Variants in NOS3 observed in about 807,000 individuals in gnomAD.
NOS3 encodes nitric oxide synthase 3.
A neutral mutation model predicts 144.9 loss-of-function variants in NOS3; 98 were observed. The ratio of observed to expected loss-of-function variants is 0.68; its 90% CI spans 0.57 to 0.80. The LOEUF (loss-of-function observed/expected upper bound fraction) is 0.80. Ranked by LOEUF, NOS3 falls within the 30% of genes least tolerant of loss-of-function variation. The pLI is 0.00. For synonymous variants in NOS3, 714 were observed against 702.4 expected (o/e 1.02, Z -0.26); for missense variants, 1,465 against 1,656.4 (o/e 0.88, Z 2.01).
At chr7:151,013,679 GC>G (rs1357769202) in intron 25 of NOS3, 44 bp from the exon 26 acceptor site, 1 of 723,602 alleles carries the variant, frequency 1.4e-6, no homozygotes, top group Non-Finnish European at 2.2e-6. Context: ...CTGCGCCCCC[GC>G]GCCCACCCCC....
Position 151,010,665 on chromosome 7 carries a change from C to G in NOS3, c.2754C>G (p.Phe918Leu). Residue 918 changes from phenylalanine to leucine, a missense_variant, in exon 22 of 27, where the codon TTC becomes TTG. Physicochemically the swap from Phe to Leu is conservative, Grantham distance 22. Coordinates refer to ENST00000297494, the MANE Select transcript of NOS3 (RefSeq NM_000603.5). ...CPTLLEVLEQFPSVALPAPLL... is the reference protein window; with the variant it reads ...CPTLLEVLEQLPSVALPAPLL... ...CGCTGCTGGAGGTGCTGGAGCAGTT[C>G]CCGTCGGTGGCGCTGCCTGCCCCAC... 6.2e-7 allele frequency: 1 copy of G among 1,608,224 alleles called. No individual in the cohort carries two copies. The highest frequency in any genetic ancestry group is 8.5e-7 in the Non-Finnish European group (1 of 1,177,724).
intron 9 of NOS3, among the ~76,000 whole-genome samples, chr7:150,999,852 A>G (rs1391184831): frequency 1.6e-4 from 6 of 37,538 alleles, no homozygotes; most frequent in African/African-American, 4.2e-4. Flanking sequence ...AGTGTGTGTG[A>G]GTTTGTAGGG....
At chr7:151,010,011 G>C (rs1795269710) in intron 20 of NOS3, 104 bp from the exon 21 acceptor site, 1 of 759,332 alleles carries the variant, frequency 1.3e-6, no homozygotes, top group Non-Finnish European at 2.2e-6. Context: ...CGACCCCGCT[G>C]CTCAAGGGCA....
intron 12 of NOS3, 35 bp from the exon 13 acceptor site, chr7:151,001,786 C>A: frequency 6.2e-7 from 1 of 1,612,758 alleles, no homozygotes; most frequent in Non-Finnish European, 8.5e-7. Context: ...TGCCTCTGTG[C>A]ACCCAGGACA....
Position 151,010,621 on chromosome 7 carries a change from A to G in NOS3, c.2710A>G (p.Lys904Glu). Residue 904 changes from lysine to glutamate, a missense_variant, in exon 22 of 27, where the codon AAG becomes GAG. Around this residue, in one of 5 missense-constraint regions of NOS3, gnomAD observed 745 missense variants for 853.9 expected, o/e 0.87. Transcript: ENST00000297494. ...GGATCCCCGACGCTACGAGGAGTGG[A>G]AGTGGTTCCGCTGCCCCACGCTGCT... Reference protein sequence around the residue: ...SQDPRRYEEWKWFRCPTLLEV... With the variant: ...SQDPRRYEEWEWFRCPTLLEV... 6.2e-7 allele frequency: 1 copy of G among 1,600,878 alleles called. No individual in the cohort carries two copies. The highest frequency in any genetic ancestry group is 8.5e-7 in the Non-Finnish European group (1 of 1,173,868).
Position 150,999,083 on chromosome 7 carries a change from C to A in NOS3, c.954C>A (p.Pro318=). 1 of 1,612,640 alleles carries A rather than the reference C, an allele frequency of 6.2e-7. No homozygotes were observed. The highest frequency in any genetic ancestry group is 1.1e-5 in the South Asian group (1 of 91,080). ...TCCTTGAGGTGCCCCTGGAGCACCC[C>A]ACGTGAGCACCAAAGGGATTGACTG... ...ELVLEVPLEH[P]TLEWFAALGL... Residue 318 remains proline (P), a splice_region_variant and synonymous_variant, in exon 8 of 27, where the codon CCC becomes CCA. Transcript: ENST00000297494.
chr7:151,012,816 T>C lies in NOS3; in HGVS notation c.3106+344T>C, dbSNP rs3918208. 409 of 338,628 alleles carry C rather than the reference T, an allele frequency of 1.2e-3. 1 individual carries two copies. The highest frequency in any genetic ancestry group is 8.1e-3 in the African/African-American group (391 of 48,126). The allele number at this position is 338,628 out of a possible 1,614,324, so 21.0% of individuals were successfully genotyped here. On this transcript the variant is annotated intron_variant, in intron 24 of 26. Transcript: ENST00000297494. Reference sequence around the variant, plus strand: ...AGGTCTGTCCAAGACCTAAGGATGCTACAAGGTGTTCATATTGAGCATGGG... The same window carrying C: ...AGGTCTGTCCAAGACCTAAGGATGCCACAAGGTGTTCATATTGAGCATGGG...
At position 150,998,148 on chromosome 7, in the gene NOS3, C is replaced by G. The variant is rs1005269170; in HGVS notation, c.583-209C>G. ...TCCATAGGGATGGGGAGACACCTGG[C>G]CCAGGGAGGAGATGAGAAGCAGCCC... On this transcript the variant is annotated intron_variant, in intron 5 of 26. Coordinates refer to ENST00000297494, the MANE Select transcript of NOS3 (RefSeq NM_000603.5). The surrounding 1 kb of genome is among the most constrained non-coding windows in gnomAD (Gnocchi z 5.0). 3.6e-4 allele frequency among the ~76,000 whole-genome samples: 55 copies of G among 152,290 alleles called. No individual in the cohort carries two copies. The highest frequency in any genetic ancestry group is 1.2e-3 in the African/African-American group (51 of 41,564).
intron 5 of NOS3, among the ~76,000 whole-genome samples, chr7:150,997,506 G>T (rs760824940): frequency 3.3e-5 from 5 of 152,140 alleles, no homozygotes; most frequent in African/African-American, 1.2e-4. Context: ...CCACAGACTC[G>T]GGGCTGGCCT....
In NOS3 at chr7:151,001,280, T is replaced by C. The variant is rs1177487974; in HGVS notation, c.1283T>C (p.Met428Thr). Residue 428 changes from methionine (M) to threonine (T), a missense_variant, in exon 11 of 27, where the codon ATG becomes ACG. This residue lies in a region of NOS3 where 745 missense variants were observed against 853.9 expected (regional missense o/e 0.87). Transcript: ENST00000297494. ...CACCACGCCGCCACGGCCTCTTTCA[T>C]GAAGCACCTGGAGAATGAGCAGAAG... Reference protein sequence around the residue: ...VDHHAATASFMKHLENEQKAR... With the variant: ...VDHHAATASFTKHLENEQKAR... 3.1e-6 allele frequency: 5 copies of C among 1,613,792 alleles called. No individual in the cohort carries two copies. Among genetic ancestry groups the C allele is most frequent in the Non-Finnish European group, 4.2e-6 (5 of 1,179,938 alleles).
chr7:151,001,532 A>G lies in NOS3; in HGVS notation c.1429-12A>G. 9.9e-6 allele frequency: 16 copies of G among 1,613,378 alleles called. No homozygotes were observed. The highest frequency in any genetic ancestry group is 1.4e-5 in the Non-Finnish European group (16 of 1,179,586). On this transcript the variant is annotated splice_polypyrimidine_tract_variant and intron_variant, in intron 11 of 26. Coordinates refer to ENST00000297494, the MANE Select transcript of NOS3 (RefSeq NM_000603.5). Reference sequence around the variant, plus strand: ...CTTTACCTCCCCTCCCAACCCCATCATCTCTCTGCAGCCAGACCCCTGGAA... The same window carrying G: ...CTTTACCTCCCCTCCCAACCCCATCGTCTCTCTGCAGCCAGACCCCTGGAA...
At chr7:151,011,874 C>T in intron 23 of NOS3, 1 of 424,476 alleles carries the variant, frequency 2.4e-6, no homozygotes, top group Non-Finnish European at 4.7e-6. Flanking sequence ...GTCCAGAAGT[C>T]TTGCCCGCTC....
Position 150,991,852 on chromosome 7 carries a change from C to T in NOS3, c.-52+552C>T, listed in dbSNP as rs531436707. On this transcript the variant is annotated intron_variant, in intron 1 of 26. Coordinates refer to ENST00000297494, the MANE Select transcript of NOS3 (RefSeq NM_000603.5). ...CTCTAATAAAATTATAAAAATTAGC[C>T]GGGCGTGGTGGTGGGTACCTGTAAT... Among the ~76,000 whole-genome samples, 7 of 152,204 alleles carry T rather than the reference C, an allele frequency of 4.6e-5. No homozygotes were observed. The South Asian group carries it at 6.2e-4, about 14-fold the overall frequency.
Position 151,012,701 on chromosome 7 carries a change from C to G in NOS3, c.3106+229C>G, listed in dbSNP as rs13420. 1,416 of 489,590 alleles carry G rather than the reference C, an allele frequency of 2.9e-3. 3 individuals carry two copies. Among genetic ancestry groups the G allele is most frequent in the Middle Eastern group, 7.2e-3 (13 of 1,806 alleles). The allele number at this position is 489,590 out of a possible 1,614,324, so 30.3% of individuals were successfully genotyped here. On this transcript the variant is annotated intron_variant, in intron 24 of 26. Transcript: ENST00000297494. ...TAGTAGGTGTTGACTGGATTGAGGA[C>G]AAAGGAAAATAGAATTTTCAAAGGG...
At position 151,010,716 on chromosome 7, in the gene NOS3, C is replaced by T. The variant is rs139519986; in HGVS notation, c.2805C>T (p.Leu935=). 7 of 1,613,010 alleles carry T rather than the reference C, an allele frequency of 4.3e-6. No individual in the cohort carries two copies. Among genetic ancestry groups the T allele is most frequent in the Middle Eastern group, 3.3e-4 (2 of 6,058 alleles). ...TGCTCCTCACCCAGCTGCCTCTGCT[C>T]CAGCCCCGGTACTACTCAGTCAGCT... ...APLLLTQLPL[L]QPRYYSVSSA... The change falls in exon 22 of 27, where the codon CTC becomes CTT. Residue 935 remains leucine, a synonymous_variant. Transcript: ENST00000297494.
At position 150,993,869 on chromosome 7, in the gene NOS3, C is replaced by T. The variant is rs1405675455; in HGVS notation, c.66C>T (p.Gly22=). The T allele has an allele frequency of 1.9e-6, 3 of 1,606,346 alleles. No individual in the cohort carries two copies. The East Asian group carries it at 6.7e-5, about 36-fold the overall frequency. The part of the protein sequence containing the change: ...GPPCGLGLGL[G]LGLCGKQGPA... ...CCTGCGGCCTGGGGCTGGGGCTGGG[C>T]CTTGGGCTGTGCGGCAAGCAGGGCC... is the stretch of plus-strand genomic sequence containing the variant. The change falls in exon 2 of 27, where the codon GGC becomes GGT. Residue 22 remains glycine (G), a synonymous_variant. Coordinates refer to ENST00000297494, the MANE Select transcript of NOS3 (RefSeq NM_000603.5). This position sits in a 1 kb window ranked among gnomAD's most constrained non-coding sequence, Gnocchi z 4.0.
At chr7:150,995,378 A>C in intron 3 of NOS3, 64 bp downstream of exon 3, 1 of 1,096,484 alleles carries the variant, frequency 9.1e-7, no homozygotes, top group Non-Finnish European at 1.4e-6. Context: ...CTGGCCTCAG[A>C]TGGGGCCGGA....
At position 151,006,504 on chromosome 7, in the gene NOS3, G is replaced by T; in HGVS notation, c.1820+10G>T. ...GGCCGGAACAGCACAAGTGAGTTGG[G>T]TGAGAGTTTGGGGGAGCTGGGGGAG... is the stretch of plus-strand genomic sequence containing the variant. On this transcript the variant is annotated intron_variant, in intron 15 of 26. Coordinates refer to ENST00000297494, the MANE Select transcript of NOS3 (RefSeq NM_000603.5). The T allele has an allele frequency of 6.2e-7, 1 of 1,610,644 alleles. No individual in the cohort carries two copies. Among genetic ancestry groups the T allele is most frequent in the Non-Finnish European group, 8.5e-7 (1 of 1,178,148 alleles).
In NOS3 at chr7:151,002,254, C is replaced by T. The variant is rs770284805; in HGVS notation, c.1702C>T (p.Leu568=). 6.2e-7 allele frequency: 1 copy of T among 1,601,326 alleles called. No individual in the cohort carries two copies. The part of the protein sequence containing the change: ...VVSLEHETLV[L]VVTSTFGNGD... ...GTCCCTCGAACACGAGACGCTGGTG[C>T]TGGTGGTAACCAGCACATTTGGGAA... Residue 568 remains leucine (L), a synonymous_variant, in exon 14 of 27, where the codon CTG becomes TTG. Coordinates refer to ENST00000297494, the MANE Select transcript of NOS3 (RefSeq NM_000603.5). The surrounding 1 kb of genome is among the most constrained non-coding windows in gnomAD (Gnocchi z 4.1).
Sources: gnomAD v4.1 joint callset for allele counts (sites outside exome capture counted in the v4.1 genomes callset) on GRCh38, gnomAD v4.1.1 for gene constraint, gnomAD v4.1.1 regional missense constraint, Gnocchi (gnomAD v3.1) non-coding constraint, MANE v1.5 for transcripts, NCBI Gene and HGNC (gene_info 2026-07-23, HGNC 2026-07-21) for gene names.